Variants in RFX6 observed in about 807,000 individuals in gnomAD.
The protein encoded by RFX6 is regulatory factor X6.
In RFX6, 50 loss-of-function variants were observed where a neutral mutation model predicts 110.8. That is an observed-to-expected ratio of 0.45 (90% CI 0.36 to 0.57). The LOEUF (loss-of-function observed/expected upper bound fraction) is 0.57, where lower values mean the gene tolerates loss of function less well. Ranked by LOEUF, RFX6 falls within the 20% of genes least tolerant of loss-of-function variation. The pLI, the probability that RFX6 is intolerant of heterozygous loss-of-function variation, is 0.00. For missense variants in RFX6, 990 were observed against 1,127.0 expected, an observed-to-expected ratio of 0.88 and a Z score of 1.74; for synonymous variants, 383 against 411.2, an observed-to-expected ratio of 0.93 and a Z score of 0.83.
chr6:116,901,311 T>C (rs1343239069), intron 6 of RFX6, among the ~76,000 whole-genome samples: 1 of 152,184 alleles, frequency 6.6e-6, no homozygotes, highest in African/African-American at 2.4e-5. Context: ...TACTATGTTG[T>C]AAAATATTGT....
chr6:116,892,325 T>G (rs1774850073), intron 4 of RFX6, among the ~76,000 whole-genome samples: 1 of 152,176 alleles, frequency 6.6e-6, no homozygotes, highest in African/African-American at 2.4e-5. Flanking sequence ...GCTGCTGTCC[T>G]CCCATGAGGC....
rs769171416 is a variant in RFX6, at chr6:116,880,675, A to G, written c.504+8A>G. On this transcript the variant is annotated splice_region_variant and intron_variant, in intron 3 of 18. Coordinates refer to ENST00000332958, the MANE Select transcript of RFX6 (RefSeq NM_173560.4). Reference sequence around the variant, plus strand: ...GCGGCCACCTTTGGAAAGGTAAATGACACGTATTGGCTATAGTGACTTATA... The same window carrying G: ...GCGGCCACCTTTGGAAAGGTAAATGGCACGTATTGGCTATAGTGACTTATA... 46 of 1,613,198 alleles carry G rather than the reference A, an allele frequency of 2.9e-5. No individual in the cohort carries two copies. The highest frequency in any genetic ancestry group is 4.5e-5 in the East Asian group (2 of 44,862).
chr6:116,900,350 G>A (rs754475778), intron 6 of RFX6, among the ~76,000 whole-genome samples: 3 of 152,082 alleles, frequency 2.0e-5, no homozygotes, highest in Non-Finnish European at 4.4e-5. Context: ...CGTCTCCAGT[G>A]TTCAAGTGAT....
chr6:116,917,676 G>A (rs1775497352), intron 9 of RFX6, among the ~76,000 whole-genome samples: 1 of 152,042 alleles, frequency 6.6e-6, no homozygotes, highest in Non-Finnish European at 1.5e-5. Flanking sequence ...GACCCAGAGA[G>A]GCACAGTGAG....
intron 4 of RFX6, among the ~76,000 whole-genome samples, 174 bp from the exon 5 acceptor site, chr6:116,893,813 T>A (rs187396332): frequency 6.6e-6 from 1 of 152,322 alleles, no homozygotes; most frequent in Non-Finnish European, 1.5e-5. Flanking sequence ...GAGTAGTGAC[T>A]ATCAAAGAGG....
chr6:116,899,929 T>C (rs974873511), intron 6 of RFX6, among the ~76,000 whole-genome samples: 1 of 152,054 alleles, frequency 6.6e-6, no homozygotes, highest in Non-Finnish European at 1.5e-5. Flanking sequence ...ATTATATCCA[T>C]AGTACATAAA....
At chr6:116,883,483 A>G (rs1774636321) in intron 4 of RFX6, among the ~76,000 whole-genome samples, 1 of 152,212 alleles carries the variant, frequency 6.6e-6, no homozygotes, top group Admixed American at 6.5e-5. Flanking sequence ...GCCACGTTTA[A>G]AAAGTAAAAA....
chr6:116,925,327 C>A, intron 15 of RFX6, 126 bp from the exon 16 acceptor site: 1 of 877,846 alleles, frequency 1.1e-6, no homozygotes, highest in Non-Finnish European at 1.9e-6. Context: ...CCATGGGAAA[C>A]ATTGCTTAGT....
chr6:116,896,625 G>C (rs540765987), intron 6 of RFX6, among the ~76,000 whole-genome samples: 1 of 152,134 alleles, frequency 6.6e-6, no homozygotes, highest in South Asian at 2.1e-4. Context: ...AGAATCACTT[G>C]AGCCCTAGAG....
intron 13 of RFX6, among the ~76,000 whole-genome samples, chr6:116,922,655 T>C (rs947378011): frequency 5.9e-5 from 9 of 152,270 alleles, no homozygotes; most frequent in Non-Finnish European, 1.0e-4. Flanking sequence ...CCATCACTAG[T>C]TGGTGTTGGC....
Position 116,919,244 on chromosome 6 carries a change from G to A in RFX6, c.1130G>A (p.Arg377Gln), listed in dbSNP as rs1353404589. The change falls in exon 11 of 19, where the codon CGA (arginine) becomes CAA (glutamine). Residue 377 changes from arginine to glutamine, a missense_variant. Coordinates refer to ENST00000332958, the MANE Select transcript of RFX6 (RefSeq NM_173560.4). Reference protein sequence around the residue: ...ALTDKKIPIVRRFVSSLKRQT... With the variant: ...ALTDKKIPIVQRFVSSLKRQT... ...ACTGACAAGAAAATACCTATTGTGC[G>A]AAGATTTGTATCTTCTCTGAAACGA... is the stretch of plus-strand genomic sequence containing the variant. 8 of 1,613,400 alleles carry A rather than the reference G, an allele frequency of 5.0e-6. No individual in the cohort carries two copies. Among genetic ancestry groups the A allele is most frequent in the African/African-American group, 1.3e-5 (1 of 74,912 alleles).
Position 116,882,446 on chromosome 6 carries a change from A to T in RFX6, c.566+18A>T. ...CATTCAAAGTAAGATACCAGTGAAC[A>T]TATTCAGGTTCTGCTCTTGTGCATG... On this transcript the variant is annotated intron_variant, in intron 4 of 18. Coordinates refer to ENST00000332958, the MANE Select transcript of RFX6 (RefSeq NM_173560.4). The T allele has an allele frequency of 6.3e-7, 1 of 1,585,368 alleles. No individual in the cohort carries two copies. Among genetic ancestry groups the T allele is most frequent in the Non-Finnish European group, 8.7e-7 (1 of 1,154,010 alleles).
intron 5 of RFX6, among the ~76,000 whole-genome samples, 170 bp from the exon 6 acceptor site, chr6:116,895,010 G>T (rs1337381370): frequency 6.6e-6 from 1 of 151,858 alleles, no homozygotes; most frequent in African/African-American, 2.4e-5. Context: ...AACTTATTTT[G>T]TTTTAGTAAG....
chr6:116,922,054 C>A lies in RFX6; in HGVS notation c.1340C>A (p.Thr447Asn). ...TTTTCCTGGGTAGATGACTCTATCACTGTGTTCCAAGAACTGAAGGATCTC... is the reference window on the plus strand; with the variant it reads ...TTTTCCTGGGTAGATGACTCTATCAATGTGTTCCAAGAACTGAAGGATCTC... ...SGIYTEHDSI[T>N]VFQELKDLLK... Residue 447 changes from threonine (T) to asparagine (N), a missense_variant, in exon 13 of 19, where the codon ACT (threonine) becomes AAT (asparagine). Thr to Asn is a moderately conservative substitution (Grantham distance 65). Around this residue, in one of 5 missense-constraint regions of RFX6, gnomAD observed 45 missense variants for 29.3 expected, o/e 1.53. Transcript: ENST00000332958. The A allele has an allele frequency of 2.8e-6, 4 of 1,423,066 alleles. No individual in the cohort carries two copies. Among genetic ancestry groups the A allele is most frequent in the Non-Finnish European group, 4.0e-6 (4 of 1,010,942 alleles). 88.2% of individuals were successfully genotyped at this position (1,423,066 alleles called of 1,614,324 possible). A position where few individuals can be genotyped will look rare whatever the true frequency, so the allele number is the denominator to read the frequency against.
intron 15 of RFX6, 144 bp from the exon 16 acceptor site, chr6:116,925,309 C>G: frequency 1.3e-6 from 1 of 786,724 alleles, no homozygotes; most frequent in Non-Finnish European, 2.2e-6. Context: ...GTCTGCCAAC[C>G]TCACTTCCCA....
intron 6 of RFX6, among the ~76,000 whole-genome samples, chr6:116,900,984 G>C (rs527371696): frequency 7.9e-5 from 12 of 151,932 alleles, no homozygotes; most frequent in Non-Finnish European, 1.8e-4. Context: ...AAAGGGATGC[G>C]CATTCAGTAG....
intron 6 of RFX6, among the ~76,000 whole-genome samples, chr6:116,903,213 T>C (rs1428457773): frequency 6.6e-6 from 1 of 152,094 alleles, no homozygotes; most frequent in Admixed American, 6.5e-5. Context: ...ATATGATCTT[T>C]GTATCCAGTT....
At chr6:116,894,414 G>C (rs1331030443) in intron 5 of RFX6, among the ~76,000 whole-genome samples, 1 of 152,062 alleles carries the variant, frequency 6.6e-6, no homozygotes, top group African/African-American at 2.4e-5. Context: ...ACTTTTTTCT[G>C]AGACAACCTG....
At chr6:116,924,200 G>T (rs1406307586) in intron 14 of RFX6, among the ~76,000 whole-genome samples, 3 of 152,168 alleles carry the variant, frequency 2.0e-5, no homozygotes, top group African/African-American at 4.8e-5. Flanking sequence ...CCAAATCTAA[G>T]AATATTTTGT....
Sources: gnomAD v4.1 joint callset for allele counts (sites outside exome capture counted in the v4.1 genomes callset) on GRCh38, gnomAD v4.1.1 for gene constraint, gnomAD v4.1.1 regional missense constraint, MANE v1.5 for transcripts, NCBI Gene and HGNC (gene_info 2026-07-23, HGNC 2026-07-21) for gene names.